Variants in NBEA observed in about 807,000 individuals in gnomAD.
NBEA encodes lysosomal-trafficking regulator 2.
In NBEA, 44 loss-of-function variants were observed where a neutral mutation model predicts 343.4. The observed-to-expected ratio is 0.13, with a 90% CI of 0.10 to 0.16. NBEA has a LOEUF of 0.16. NBEA is among the 10% of genes least tolerant of loss of function. The pLI, the probability that NBEA is intolerant of heterozygous loss-of-function variation, is 1.00. For synonymous variants in NBEA, 1,175 were observed against 1,238.7 expected (o/e 0.95, Z 1.08); for missense variants, 2,555 against 3,631.3 (o/e 0.70, Z 7.62).
At chr13:34,998,433 T>A (rs1566142016) in intron 1 of NBEA, among the ~76,000 whole-genome samples, 1 of 152,304 alleles carries the variant, frequency 6.6e-6, no homozygotes, top group Non-Finnish European at 1.5e-5. Context: ...TAGGTGGGAA[T>A]TTCCTCATCC....
intron 10 of NBEA, among the ~76,000 whole-genome samples, chr13:35,093,651 A>G (rs1357026164): frequency 6.6e-6 from 1 of 151,982 alleles, no homozygotes; most frequent in Non-Finnish European, 1.5e-5. Flanking sequence ...ATCCATGTGT[A>G]ATTATGACCT....
chr13:35,325,623 A>G (rs1278985290), intron 36 of NBEA, among the ~76,000 whole-genome samples: 1 of 152,044 alleles, frequency 6.6e-6, no homozygotes, highest in Non-Finnish European at 1.5e-5. Context: ...TGGCAAATCA[A>G]ATCTAGCAAT....
At chr13:35,253,655 T>A (rs1210544069) in intron 34 of NBEA, among the ~76,000 whole-genome samples, 1 of 152,214 alleles carries the variant, frequency 6.6e-6, no homozygotes, top group Non-Finnish European at 1.5e-5. Context: ...AAATGGAGTT[T>A]TATTGAAATA....
At chr13:35,065,152 A>G (rs537601511) in intron 8 of NBEA, among the ~76,000 whole-genome samples, 1 of 152,014 alleles carries the variant, frequency 6.6e-6, no homozygotes, top group East Asian at 1.9e-4. Flanking sequence ...AGTTCATGGA[A>G]ATAGTATTTC....
intron 36 of NBEA, among the ~76,000 whole-genome samples, chr13:35,344,633 A>G (rs1290818672): frequency 6.6e-6 from 1 of 152,114 alleles, no homozygotes; most frequent in African/African-American, 2.4e-5. Context: ...TCAAAGCATT[A>G]TACCATTAAA....
intron 17 of NBEA, among the ~76,000 whole-genome samples, chr13:35,140,016 CTTAA>C (rs2068000755): frequency 6.6e-6 from 1 of 151,898 alleles, no homozygotes; most frequent in Non-Finnish European, 1.5e-5. Context: ...AGATAGCCTA[CTTAA>C]TTAATTAGTT....
chr13:35,415,758 C>G (rs1229418359), intron 38 of NBEA, among the ~76,000 whole-genome samples: 33 of 151,942 alleles, frequency 2.2e-4, no homozygotes, highest in Admixed American at 2.2e-3. Context: ...TAGTTTTTTC[C>G]AATTCTGTGA....
At chr13:35,396,321 T>G (rs1318517145) in intron 38 of NBEA, among the ~76,000 whole-genome samples, 1 of 152,178 alleles carries the variant, frequency 6.6e-6, no homozygotes, top group Non-Finnish European at 1.5e-5. Flanking sequence ...TGTTTCTGTG[T>G]GTCTACTCTG....
chr13:35,356,957 C>G (rs2040524926), intron 38 of NBEA, among the ~76,000 whole-genome samples: 1 of 152,154 alleles, frequency 6.6e-6, no homozygotes, highest in African/African-American at 2.4e-5. Flanking sequence ...CCTAAATTTT[C>G]TAAGCTTTAA....
At chr13:34,945,740 T>C (rs2059167930) in intron 1 of NBEA, among the ~76,000 whole-genome samples, 1 of 152,128 alleles carries the variant, frequency 6.6e-6, no homozygotes, top group South Asian at 2.1e-4. Flanking sequence ...CCTTTGTCAG[T>C]ATATTTTTCT....
At chr13:35,439,487 G>A (rs114570490) in intron 39 of NBEA, among the ~76,000 whole-genome samples, 315 of 152,232 alleles carry the variant, frequency 2.1e-3, no homozygotes, top group African/African-American at 6.6e-3. Flanking sequence ...AGACATAAAC[G>A]ACCCTTACTC....
At chr13:35,494,472 C>T (rs1007059089) in intron 41 of NBEA, among the ~76,000 whole-genome samples, 1 of 151,872 alleles carries the variant, frequency 6.6e-6, no homozygotes, top group African/African-American at 2.4e-5. Context: ...TTTCCCATTA[C>T]TTTTCATGGC....
At chr13:35,051,690 T>C (rs1376404987) in intron 6 of NBEA, among the ~76,000 whole-genome samples, 1 of 152,080 alleles carries the variant, frequency 6.6e-6, no homozygotes, top group South Asian at 2.1e-4. Flanking sequence ...GCCTTTGCTC[T>C]GGAAATTCTG....
At chr13:35,226,033 C>CTCA (rs1249924124) in intron 33 of NBEA, among the ~76,000 whole-genome samples, 2 of 152,082 alleles carry the variant, frequency 1.3e-5, no homozygotes, top group Non-Finnish European at 2.9e-5. Flanking sequence ...CTACAAAATG[C>CTCA]TCATTAACTG....
intron 38 of NBEA, among the ~76,000 whole-genome samples, chr13:35,431,620 C>G (rs2152930487): frequency 6.6e-6 from 1 of 152,182 alleles, no homozygotes; most frequent in South Asian, 2.1e-4. Context: ...ACTCTATTAG[C>G]ATTAGAGTAA....
chr13:35,560,519 A>G (rs949017422), intron 44 of NBEA, among the ~76,000 whole-genome samples: 13 of 152,172 alleles, frequency 8.5e-5, no homozygotes, highest in African/African-American at 1.4e-4. Flanking sequence ...AGACTCTGAG[A>G]CAGAGATTTG....
intron 55 of NBEA, among the ~76,000 whole-genome samples, chr13:35,662,918 TAA>T (rs1301287738): frequency 2.0e-5 from 3 of 152,202 alleles, no homozygotes; most frequent in African/African-American, 4.8e-5. Context: ...CTCTCCAAGA[TAA>T]AATTATCATT....
intron 1 of NBEA, among the ~76,000 whole-genome samples, chr13:34,978,600 C>A (rs1367486935): frequency 6.6e-6 from 1 of 152,198 alleles, no homozygotes; most frequent in African/African-American, 2.4e-5. Context: ...GTTCCTCGTA[C>A]TCCTTTCCAG....
chr13:35,176,872 A>C (rs962206120), intron 27 of NBEA, 124 bp from the exon 28 acceptor site: 1 of 619,590 alleles, frequency 1.6e-6, no homozygotes, highest in African/African-American at 1.8e-5. Context: ...GATTATGATC[A>C]ATAAATGTTA....
Sources: allele counts gnomAD v4.1 joint callset (sites outside exome capture counted in the v4.1 genomes callset), GRCh38; gene constraint gnomAD v4.1.1; transcripts MANE v1.5; gene names NCBI Gene and HGNC (gene_info 2026-07-23, HGNC 2026-07-21).